TTC6: variants seen among roughly 807,000 people sequenced by gnomAD.
The protein encoded by TTC6 is tetratricopeptide repeat protein 6.
Under a neutral mutation model 210.4 loss-of-function variants are expected in TTC6, and 172 were observed. The ratio of observed to expected loss-of-function variants is 0.82; its 90% CI spans 0.72 to 0.93. TTC6 has a LOEUF of 0.93. TTC6 is among the 40% of genes least tolerant of loss of function. The probability of loss-of-function intolerance (pLI) is 0.00; values close to 1 mark genes in which losing one functional copy is unlikely to be tolerated. For missense variants in TTC6, 2,414 were observed against 2,318.1 expected, an observed-to-expected ratio of 1.04 and a Z score of -0.85; for synonymous variants, 804 against 819.6, an observed-to-expected ratio of 0.98 and a Z score of 0.32.
At position 37,782,143 on chromosome 14, in the gene TTC6, G is replaced by GT. The variant is rs568110240; in HGVS notation, c.3267-5317dup. 2.4e-3 allele frequency among the ~76,000 whole-genome samples: 367 copies of GT among 152,106 alleles called. 3 individuals carry two copies. Among genetic ancestry groups the GT allele is most frequent in the African/African-American group, 8.4e-3 (348 of 41,502 alleles). On this transcript the variant is annotated intron_variant, in intron 14 of 30. Transcript: ENST00000553443. ...TTGGTTCCATATGAACTTTAAAGTA[G>GT]TTTTTTTTAGTTCTTTGAAGAAAGT...
rs2096098880 is a variant in TTC6, at chr14:37,798,849, G to A, written c.4029+1902G>A. 5.9e-5 allele frequency among the ~76,000 whole-genome samples: 9 copies of A among 152,078 alleles called. No homozygotes were observed. In the South Asian group the frequency reaches 1.7e-3, roughly 28 times the overall value. On this transcript the variant is annotated intron_variant, in intron 20 of 30. Transcript: ENST00000553443. Reference sequence around the variant, plus strand: ...TGTTTTTATCCTTTAATATGTTAATGTAGCAGATTATATGTCACATATGAA... The same window carrying A: ...TGTTTTTATCCTTTAATATGTTAATATAGCAGATTATATGTCACATATGAA...
chr14:37,694,994 T>C (rs2095811892), intron 3 of TTC6, among the ~76,000 whole-genome samples: 1 of 137,238 alleles, frequency 7.3e-6, no homozygotes, highest in Non-Finnish European at 1.5e-5. Flanking sequence ...TGCATTGTGA[T>C]CATTCCGCTG....
chr14:37,674,415 C>T (rs1021688339), intron 1 of TTC6, among the ~76,000 whole-genome samples: 1 of 152,044 alleles, frequency 6.6e-6, no homozygotes, highest in Non-Finnish European at 1.5e-5. Flanking sequence ...TACCAATAGG[C>T]ATCCTTATTT....
intron 2 of TTC6, among the ~76,000 whole-genome samples, chr14:37,607,408 A>T (rs1336984531): frequency 6.6e-6 from 1 of 152,156 alleles, no homozygotes; most frequent in Non-Finnish European, 1.5e-5. Flanking sequence ...GTGCTAAACC[A>T]GTGACATTAT....
chr14:37,767,124 A>T (rs371759244), intron 14 of TTC6, among the ~76,000 whole-genome samples: 10 of 152,246 alleles, frequency 6.6e-5, no homozygotes, highest in Non-Finnish European at 1.2e-4. Context: ...ACAAAGGACA[A>T]GAACTCATCA....
chr14:37,800,241 T>G (rs932202324), intron 20 of TTC6, among the ~76,000 whole-genome samples: 12 of 152,144 alleles, frequency 7.9e-5, no homozygotes, highest in African/African-American at 2.9e-4. Flanking sequence ...ATTATTTTTA[T>G]TTAGTGGTTC....
intron 1 of TTC6, among the ~76,000 whole-genome samples, chr14:37,654,772 T>G (rs1181884274): frequency 6.6e-6 from 1 of 152,166 alleles, no homozygotes; most frequent in Non-Finnish European, 1.5e-5. Flanking sequence ...TCTCATGAAT[T>G]TAAGAGAAAA....
In TTC6 at chr14:37,832,406, A is replaced by G. The variant is rs1348713770; in HGVS notation, c.5298+5040A>G. 9.8e-5 allele frequency among the ~76,000 whole-genome samples: 9 copies of G among 92,170 alleles called. No homozygotes were observed. In the East Asian group the frequency reaches 2.6e-3, roughly 27 times the overall value. 60.5% of individuals were successfully genotyped at this position (92,170 alleles called of 152,430 possible). On this transcript the variant is annotated intron_variant, in intron 29 of 30. Transcript: ENST00000553443. The stretch of plus-strand genomic sequence containing the variant: ...CTTTTCTAGTTTTATGAGGTGCATT[A>G]TTACATTGTTTATTTGAAATCATTC...
chr14:37,745,320 T>G (rs2095932662), intron 10 of TTC6, among the ~76,000 whole-genome samples: 2 of 152,202 alleles, frequency 1.3e-5, no homozygotes, highest in Admixed American at 1.3e-4. Context: ...TGTTTTACAC[T>G]GGTGAAACAG....
chr14:37,640,917 A>T (rs1215862927), intron 1 of TTC6, among the ~76,000 whole-genome samples: 1 of 152,164 alleles, frequency 6.6e-6, no homozygotes, highest in Non-Finnish European at 1.5e-5. Flanking sequence ...GTGGGAGGTG[A>T]GGTGGGCCAC....
intron 14 of TTC6, among the ~76,000 whole-genome samples, chr14:37,784,825 A>G (rs1201964973): frequency 6.6e-6 from 1 of 152,184 alleles, no homozygotes; most frequent in Non-Finnish European, 1.5e-5. Context: ...TGGTGGTGAC[A>G]AAATCTCTCA....
At chr14:37,773,853 G>T (rs2139204963) in intron 14 of TTC6, among the ~76,000 whole-genome samples, 1 of 152,294 alleles carries the variant, frequency 6.6e-6, no homozygotes, top group Non-Finnish European at 1.5e-5. Context: ...TGGGCAGTAT[G>T]ACCATTTTAA....
At chr14:37,754,826 G>T (rs2095962763) in intron 14 of TTC6, among the ~76,000 whole-genome samples, 1 of 152,132 alleles carries the variant, frequency 6.6e-6, no homozygotes, top group Non-Finnish European at 1.5e-5. Context: ...ATTTGGGTTG[G>T]TTCCAAGTCT....
intron 1 of TTC6, among the ~76,000 whole-genome samples, chr14:37,627,858 A>G (rs2139325070): frequency 6.6e-6 from 1 of 152,348 alleles, no homozygotes; most frequent in Admixed American, 6.5e-5. Context: ...TAGATCCTTG[A>G]GGAATTGCCA....
chr14:37,698,831 A>T (rs1432356905), intron 4 of TTC6, among the ~76,000 whole-genome samples: 1 of 152,172 alleles, frequency 6.6e-6, no homozygotes, highest in Admixed American at 6.5e-5. Flanking sequence ...GCAGGCTGGG[A>T]ATTACACATC....
At chr14:37,615,155 C>T (rs937652474) in intron 2 of TTC6, among the ~76,000 whole-genome samples, 2 of 152,140 alleles carry the variant, frequency 1.3e-5, no homozygotes. Context: ...ATTATTGTTT[C>T]CCTGTCAATA....
At position 37,746,221 on chromosome 14, in the gene TTC6, C is replaced by G. The variant is rs568632185; in HGVS notation, c.2364-2718C>G. On this transcript the variant is annotated intron_variant, in intron 10 of 30. Transcript: ENST00000553443. ...ACAAATTTCTTGGCTCCCGTTCCCC[C>G]ACTGTCATTCTTTTCCAGCTCTGAG... Among the ~76,000 whole-genome samples the G allele has an allele frequency of 1.7e-4, 26 of 152,162 alleles. 1 individual carries two copies. Among genetic ancestry groups the G allele is most frequent in the Non-Finnish European group, 4.4e-5 (3 of 68,022 alleles).
At chr14:37,755,159 T>C (rs1031845185) in intron 14 of TTC6, among the ~76,000 whole-genome samples, 65 of 152,162 alleles carry the variant, frequency 4.3e-4, no homozygotes, top group African/African-American at 1.5e-3. Flanking sequence ...TTTTTTCATA[T>C]GTTTGTTGGC....
chr14:37,835,327 GT>G (rs199775244), intron 29 of TTC6, among the ~76,000 whole-genome samples: 4 of 151,748 alleles, frequency 2.6e-5, no homozygotes, highest in Admixed American at 2.0e-4. Flanking sequence ...AGGGTAAGAG[GT>G]TTTTTTTGTG....
Sources: gnomAD v4.1 joint callset for allele counts (sites outside exome capture counted in the v4.1 genomes callset) on GRCh38, gnomAD v4.1.1 for gene constraint, MANE v1.5 for transcripts, NCBI Gene and HGNC (gene_info 2026-07-23, HGNC 2026-07-21) for gene names.